COMMD5: variants seen among roughly 807,000 people sequenced by gnomAD.
The protein encoded by COMMD5 is COMM domain containing 5.
A neutral mutation model predicts 6.9 loss-of-function variants in COMMD5; 10 were observed. That is an observed-to-expected ratio of 1.44 (90% CI 0.89 to 2.45). The LOEUF (loss-of-function observed/expected upper bound fraction) is 2.45, where lower values mean the gene tolerates loss of function less well. Among genes scored for constraint, COMMD5 ranks in the 30% most tolerant of loss-of-function variants. The pLI is 0.00. For missense variants in COMMD5, 234 were observed against 287.8 expected (o/e 0.81, Z 1.35); for synonymous variants, 127 against 125.3 (o/e 1.01, Z -0.09).
At chr8:144,843,429 A>C in intron 1 of COMMD5, 1 of 307,892 alleles carries the variant, frequency 3.2e-6, no homozygotes, top group Admixed American at 4.8e-5. Flanking sequence ...TCTACTAAAA[A>C]TACAAAAATT....
At chr8:144,847,673 T>A (rs1830578972), downstream of COMMD5, among the ~76,000 whole-genome samples, 1 of 152,174 alleles carries the variant, frequency 6.6e-6, no homozygotes, top group Non-Finnish European at 1.5e-5. Context: ...GCAGCTTGAC[T>A]CAGAGCCCCA....
At chr8:144,843,103 G>A (rs188252750) in intron 1 of COMMD5, 1 of 1,612,490 alleles carries the variant, frequency 6.2e-7, no homozygotes, top group East Asian at 2.2e-5. Context: ...TAAATGCAAT[G>A]ACTGTGGCAA....
intron 1 of COMMD5, among the ~76,000 whole-genome samples, chr8:144,851,625 A>T (rs1206021491): frequency 6.6e-6 from 1 of 151,818 alleles, no homozygotes; most frequent in Non-Finnish European, 1.5e-5. Flanking sequence ...ACAAGCAGGA[A>T]TTGGCAGAGA....
At chr8:144,838,412 T>G (rs1039643890), downstream of COMMD5, 41 of 451,640 alleles carry the variant, frequency 9.1e-5, no homozygotes, top group Non-Finnish European at 1.5e-4. Flanking sequence ...CAGCTCCTGC[T>G]GGGCAGGCGC....
chr8:144,845,858 T>G, downstream of COMMD5: 1 of 920,608 alleles, frequency 1.1e-6, no homozygotes, highest in Non-Finnish European at 1.6e-6. Flanking sequence ...GGAGTATGTG[T>G]GCAGTGTCCC....
downstream of COMMD5, among the ~76,000 whole-genome samples, chr8:144,845,353 G>A (rs1392965971): frequency 6.6e-6 from 1 of 151,910 alleles, no homozygotes; most frequent in African/African-American, 2.4e-5. Flanking sequence ...AGCCTGCTCT[G>A]TTGGGAGCTG....
downstream of COMMD5, chr8:144,850,096 ACACCCTCAAGGAAGGT>A (rs1427896121): frequency 1.3e-5 from 2 of 153,414 alleles, no homozygotes; most frequent in Admixed American, 1.3e-4. The surrounding 1 kb of genome is among the most constrained non-coding windows in gnomAD (Gnocchi z 4.0). Context: ...CTCAGATGTC[ACACCCTCAAGGAAGGT>A]CGCCCCATCA....
rs1830433763 is a variant in COMMD5 at position 144,844,986 on chromosome 8, AC to A, written c.*117-3244del. 2.0e-5 allele frequency among the ~76,000 whole-genome samples: 3 copies of A among 152,082 alleles called. No individual in the cohort carries two copies. In the South Asian group the frequency reaches 6.2e-4, roughly 32 times the overall value. On this transcript the variant is annotated intron_variant and NMD_transcript_variant, in intron 1 of 1. Transcript: ENST00000530332. ...AGAACTTGAGCTGCAGTGGGGGTAG[AC>A]CAGCAGACCACAGGGTGAAAGGACA...
chr8:144,852,998 GCCGGCAATCC>G lies in COMMD5; in HGVS notation c.-227_-218del, dbSNP rs1830820674. 6.6e-6 allele frequency: 1 copy of G among 152,490 alleles called. No individual in the cohort carries two copies. The highest frequency in any genetic ancestry group is 1.5e-5 in the Non-Finnish European group (1 of 68,206). The allele number at this position is 152,490 out of a possible 1,614,324, so 9.4% of individuals were successfully genotyped here. A position where few individuals can be genotyped will look rare whatever the true frequency, so the allele number is the denominator to read the frequency against. Reference sequence around the variant, plus strand: ...GTCCGAGTCGCCCCCAGCACCTGGCGCCGGCAATCCCCGGCTGATGCAGCCAAAAGCGGGC... The same window carrying G: ...GTCCGAGTCGCCCCCAGCACCTGGCGCCGGCTGATGCAGCCAAAAGCGGGC... On this transcript the variant is annotated 5_prime_UTR_variant, in exon 1 of 2. Transcript: ENST00000305103.
chr8:144,841,318 A>G (rs748044328), exon 2 of COMMD5: 2 of 1,556,690 alleles, frequency 1.3e-6, no homozygotes, highest in South Asian at 1.2e-5. Flanking sequence ...CTCTGAGCAC[A>G]GGGCCTAAGG....
exon 2 of COMMD5, chr8:144,841,105 G>C (rs1397744705): frequency 2.1e-6 from 1 of 480,748 alleles, no homozygotes; most frequent in African/African-American, 1.9e-5. Context: ...GGACCTCTCT[G>C]CTCACAGAAC....
At chr8:144,842,951 C>T (rs899176056) in intron 1 of COMMD5, 2 of 1,614,176 alleles carry the variant, frequency 1.2e-6, no homozygotes, top group African/African-American at 1.3e-5. Context: ...TATGGGAATG[C>T]CCTGGAAGGG....
At chr8:144,839,306 C>T (rs545479808), downstream of COMMD5, among the ~76,000 whole-genome samples, 50 of 152,362 alleles carry the variant, frequency 3.3e-4, no homozygotes, top group Admixed American at 1.6e-3. Flanking sequence ...GCCTTGCAGC[C>T]GCCCAGGAAG....
downstream of COMMD5, chr8:144,838,154 C>T: frequency 1.4e-6 from 1 of 702,890 alleles, no homozygotes; most frequent in Non-Finnish European, 2.6e-6. Context: ...GTGGATGCGT[C>T]CCTCACTCTG....
chr8:144,841,734 A>G lies in COMMD5; in HGVS notation c.*126T>C, dbSNP rs143886586. The G allele has an allele frequency of 4.0e-4, 649 of 1,614,166 alleles. 1 individual carries two copies. In the African/African-American group the frequency reaches 7.8e-3, roughly 20 times the overall value. On this transcript the variant is annotated 3_prime_UTR_variant and NMD_transcript_variant, in exon 2 of 2. Coordinates refer to the COMMD5 transcript ENST00000530332. Reference sequence around the variant, plus strand: ...GTGGCAAAGGCATCAGAGCCACTTCAGATATCGCTCTGCATTGGGAAATTA... The same window carrying G: ...GTGGCAAAGGCATCAGAGCCACTTCGGATATCGCTCTGCATTGGGAAATTA...
In COMMD5 at chr8:144,851,041, GC is replaced by G. The variant is rs1354204977; in HGVS notation, c.297del (p.Thr102ProfsTer3). ...MHTLLQQALR[L>X]PPTSLKPDTF... ...GTGTCAGGCTTCAGGCTGGTGGGGGGCAGACGGAGGGCCTGCTGGAGCAGTG... is the reference window on the plus strand; with the variant it reads ...GTGTCAGGCTTCAGGCTGGTGGGGGGAGACGGAGGGCCTGCTGGAGCAGTG... On this transcript the variant is annotated frameshift_variant, in exon 2 of 2. Transcript: ENST00000305103. LOFTEE classifies it high-confidence loss of function. 3 of 1,612,400 alleles carry G rather than the reference GC, an allele frequency of 1.9e-6. No homozygotes were observed. Among genetic ancestry groups the G allele is most frequent in the Non-Finnish European group, 2.5e-6 (3 of 1,179,838 alleles).
At chr8:144,841,055 C>T in exon 2 of COMMD5, 1 of 324,942 alleles carries the variant, frequency 3.1e-6, no homozygotes, top group Non-Finnish European at 5.7e-6. Context: ...GTCTCCTTTG[C>T]CTCTGCATGG....
downstream of COMMD5, chr8:144,845,853 ATG>A (rs1440025181): frequency 3.5e-6 from 3 of 859,632 alleles, no homozygotes; most frequent in Non-Finnish European, 5.3e-6. Flanking sequence ...CACGTGGAGT[ATG>A]TGTGCAGTGT....
chr8:144,851,976 A>T (rs1830767634), intron 1 of COMMD5, among the ~76,000 whole-genome samples: 1 of 151,998 alleles, frequency 6.6e-6, no homozygotes, highest in South Asian at 2.1e-4. Flanking sequence ...CGTTTCTACA[A>T]AAAATTTAAA....
Sources: allele counts gnomAD v4.1 joint callset (sites outside exome capture counted in the v4.1 genomes callset), GRCh38; gene constraint gnomAD v4.1.1; non-coding constraint Gnocchi (gnomAD v3.1); transcripts MANE v1.5; gene names NCBI Gene and HGNC (gene_info 2026-07-23, HGNC 2026-07-21).